The following BLTP2 variants were observed in gnomAD, a reference collection of about 807,000 sequenced individuals.
The protein encoded by BLTP2 is bridge-like lipid transfer protein family member 2.
the BLTP2 span, chr17:28,621,314 C>T: frequency 5.7e-6 from 8 of 1,415,456 alleles, no homozygotes; most frequent in South Asian, 2.3e-5. Flanking sequence ...CATACACTGA[C>T]GTTAAGAATA....
the BLTP2 span, chr17:28,633,117 T>C: frequency 1.3e-6 from 2 of 1,587,242 alleles, no homozygotes; most frequent in Non-Finnish European, 8.6e-7. Context: ...GCAGGTCCAG[T>C]GTCATGCAGA....
the BLTP2 span, chr17:28,639,626 G>GGAC: frequency 2.5e-6 from 4 of 1,613,974 alleles, no homozygotes; most frequent in African/African-American, 5.3e-5. Context: ...GGCGACTCTG[G>GGAC]GACAACAACA....
chr17:28,639,196 A>C, the BLTP2 span: 2 of 947,172 alleles, frequency 2.1e-6, no homozygotes, highest in Non-Finnish European at 3.4e-6. Flanking sequence ...TGCTGTTGAG[A>C]CTCGGATTTG....
the BLTP2 span, chr17:28,637,151 C>T: frequency 6.2e-7 from 1 of 1,614,088 alleles, no homozygotes; most frequent in South Asian, 1.1e-5. Flanking sequence ...TTAGGGTGTC[C>T]AGTCGTACCT....
the BLTP2 span, chr17:28,619,841 A>G: frequency 6.2e-7 from 1 of 1,613,530 alleles, no homozygotes; most frequent in South Asian, 1.1e-5. Flanking sequence ...TTCTCAAACT[A>G]TCTATCTGCA....
chr17:28,615,212 G>A, the BLTP2 span: 10 of 1,613,634 alleles, frequency 6.2e-6, no homozygotes, highest in East Asian at 1.6e-4. Flanking sequence ...CTCAGAGCCT[G>A]TTGCAGACTT....
chr17:28,631,869 G>A, the BLTP2 span: 1 of 1,614,134 alleles, frequency 6.2e-7, no homozygotes, highest in Non-Finnish European at 8.5e-7. Flanking sequence ...GGCCCTGACT[G>A]CACTCAATCT....
the BLTP2 span, chr17:28,634,772 C>T: frequency 6.2e-7 from 1 of 1,613,958 alleles, no homozygotes; most frequent in Non-Finnish European, 8.5e-7. Context: ...TTTTTGCGTT[C>T]CAAAGAGGCA....
chr17:28,639,049 T>G, the BLTP2 span: 2 of 503,038 alleles, frequency 4.0e-6, no homozygotes, highest in South Asian at 4.4e-5. Context: ...AAGACATTCC[T>G]TATCATTTAA....
the BLTP2 span, chr17:28,635,476 AGGGATG>A: frequency 6.2e-7 from 1 of 1,614,196 alleles, no homozygotes; most frequent in Non-Finnish European, 8.5e-7. Context: ...CTCTAGTGCA[AGGGATG>A]GTACAGTCTC....
chr17:28,644,910 C>T, the BLTP2 span: 1 of 1,303,198 alleles, frequency 7.7e-7, no homozygotes, highest in Non-Finnish European at 1.1e-6. Context: ...CGCGCGCCCC[C>T]TCCTCAGTCT....
At chr17:28,617,143 T>C in the BLTP2 span, 1 of 1,265,810 alleles carries the variant, frequency 7.9e-7, no homozygotes, top group East Asian at 2.3e-5. Context: ...CCACATTGTT[T>C]TCCATAGTGG....
chr17:28,636,955 G>A, the BLTP2 span: 1 of 1,612,524 alleles, frequency 6.2e-7, no homozygotes, highest in Non-Finnish European at 8.5e-7. Flanking sequence ...CCTCTCCACA[G>A]GAACATTACC....
chr17:28,631,414 G>C, the BLTP2 span: 1 of 1,429,336 alleles, frequency 7.0e-7, no homozygotes, highest in African/African-American at 1.4e-5. Context: ...TGTTATGGCA[G>C]CCCAAGTAGG....
the BLTP2 span, among the ~76,000 whole-genome samples, chr17:28,627,192 T>G: frequency 6.6e-6 from 1 of 152,144 alleles, no homozygotes; most frequent in East Asian, 1.9e-4. Context: ...AAAAACACTT[T>G]TGAGTTTGGG....
chr17:28,621,506 AAG>A, the BLTP2 span: 2 of 1,609,748 alleles, frequency 1.2e-6, no homozygotes, highest in Admixed American at 3.3e-5. Flanking sequence ...CACCTGAAGA[AAG>A]AGATGCAGGC....
At chr17:28,644,429 A>C in the BLTP2 span, among the ~76,000 whole-genome samples, 1 of 152,162 alleles carries the variant, frequency 6.6e-6, no homozygotes, top group Non-Finnish European at 1.5e-5. Flanking sequence ...GAAGACAAAA[A>C]CAAAATCCCT....
chr17:28,618,083 C>T, the BLTP2 span, among the ~76,000 whole-genome samples: 110 of 151,922 alleles, frequency 7.2e-4, no homozygotes, highest in African/African-American at 2.6e-3. Flanking sequence ...CAGGCGTGCA[C>T]CACCACGCCT....
the BLTP2 span, chr17:28,644,859 CCCTCCACCCTACCCA>C: frequency 1.3e-6 from 1 of 745,164 alleles, no homozygotes; most frequent in Non-Finnish European, 2.2e-6. Flanking sequence ...CGCGCCCCCT[CCCTCCACCCTACCCA>C]CTCTGCCTCA....
Sources: allele counts gnomAD v4.1 joint callset (sites outside exome capture counted in the v4.1 genomes callset), GRCh38; gene constraint gnomAD v4.1.1; transcripts MANE v1.5; gene names NCBI Gene and HGNC (gene_info 2026-07-23, HGNC 2026-07-21).